Variants in PSMD12 observed in about 807,000 individuals in gnomAD.
The protein encoded by PSMD12 is proteasome 26S subunit, non-ATPase 12.
In PSMD12, 8 loss-of-function variants were observed where a neutral mutation model predicts 62.9. That is an observed-to-expected ratio of 0.13 (90% CI 0.07 to 0.23). The LOEUF (loss-of-function observed/expected upper bound fraction) is 0.23. PSMD12 is among the 10% of genes least tolerant of loss of function. PSMD12 has a pLI of 1.00. For synonymous variants in PSMD12, 173 were observed against 187.4 expected (o/e 0.92, Z 0.63); for missense variants, 424 against 550.2 (o/e 0.77, Z 2.29).
At chr17:67,344,532 C>A in intron 9 of PSMD12, 74 bp downstream of exon 9, 6 of 1,374,912 alleles carry the variant, frequency 4.4e-6, no homozygotes, top group South Asian at 3.3e-5. Flanking sequence ...CTCAAAATTG[C>A]CAAAATTTAA....
intron 8 of PSMD12, among the ~76,000 whole-genome samples, chr17:67,345,305 CT>C (rs2041954344): frequency 2.6e-5 from 4 of 152,194 alleles, no homozygotes; most frequent in African/African-American, 9.6e-5. Context: ...GTTATCCTCT[CT>C]AGTTTTATTC....
intron 7 of PSMD12, among the ~76,000 whole-genome samples, chr17:67,346,855 C>T (rs978632558): frequency 6.6e-6 from 1 of 152,032 alleles, no homozygotes; most frequent in Non-Finnish European, 1.5e-5. Flanking sequence ...AAAGTAATGC[C>T]GGGTCTTTAA....
At chr17:67,343,605 C>T (rs561443967) in intron 9 of PSMD12, among the ~76,000 whole-genome samples, 26 of 152,310 alleles carry the variant, frequency 1.7e-4, no homozygotes, top group African/African-American at 6.0e-4. Context: ...AAGCCTCCCT[C>T]TGCTCTCTAG....
intron 3 of PSMD12, among the ~76,000 whole-genome samples, chr17:67,352,367 T>TA (rs2042026797): frequency 6.6e-6 from 1 of 152,238 alleles, no homozygotes; most frequent in Non-Finnish European, 1.5e-5. Flanking sequence ...ATTAAACTTT[T>TA]AACTATCTGA....
intron 3 of PSMD12, among the ~76,000 whole-genome samples, chr17:67,356,067 T>C (rs1182932020): frequency 6.6e-6 from 1 of 152,052 alleles, no homozygotes; most frequent in Non-Finnish European, 1.5e-5. Flanking sequence ...ACTTCAGTTT[T>C]CTCAGGCAGG....
chr17:67,345,511 G>C (rs1487546017), intron 8 of PSMD12: 1 of 414,284 alleles, frequency 2.4e-6, no homozygotes, highest in Non-Finnish European at 4.5e-6. Flanking sequence ...GCATGGTAGC[G>C]GGTGCCTGTA....
At chr17:67,358,025 G>A (rs1019369707) in intron 1 of PSMD12, among the ~76,000 whole-genome samples, 30 of 151,892 alleles carry the variant, frequency 2.0e-4, no homozygotes, top group Admixed American at 1.9e-3. Context: ...GGGTTCTAGC[G>A]ATTCTCATGC....
At chr17:67,359,742 C>T (rs930710411) in intron 1 of PSMD12, among the ~76,000 whole-genome samples, 3 of 152,054 alleles carry the variant, frequency 2.0e-5, no homozygotes, top group Admixed American at 6.6e-5. Context: ...ATTTTAACAA[C>T]GTTTCCTGTT....
At chr17:67,360,489 A>G (rs541065371) in intron 1 of PSMD12, among the ~76,000 whole-genome samples, 1 of 152,282 alleles carries the variant, frequency 6.6e-6, no homozygotes, top group South Asian at 2.1e-4. Context: ...ACCCCAAACT[A>G]TATTCTATTT....
At chr17:67,345,199 A>G (rs1331230478) in intron 8 of PSMD12, among the ~76,000 whole-genome samples, 1 of 152,252 alleles carries the variant, frequency 6.6e-6, no homozygotes, top group Non-Finnish European at 1.5e-5. Flanking sequence ...GCAAATGTAG[A>G]CCTGATATGA....
intron 3 of PSMD12, among the ~76,000 whole-genome samples, chr17:67,351,369 G>T (rs1435125351): frequency 6.9e-6 from 1 of 144,976 alleles, no homozygotes; most frequent in Non-Finnish European, 1.5e-5. Flanking sequence ...TTCAGCCTGG[G>T]AGACAGATCG....
chr17:67,346,020 T>G (rs1281075963), intron 7 of PSMD12, among the ~76,000 whole-genome samples, 163 bp from the exon 8 acceptor site: 1 of 150,340 alleles, frequency 6.7e-6, no homozygotes, highest in East Asian at 2.0e-4. Flanking sequence ...GAGGCCAAGG[T>G]GGGCAGATCT....
chr17:67,347,876 T>C (rs901298797), intron 5 of PSMD12, among the ~76,000 whole-genome samples: 2 of 152,228 alleles, frequency 1.3e-5, no homozygotes, highest in African/African-American at 2.4e-5. Flanking sequence ...ATGTCAAATA[T>C]AGTATGTAAC....
intron 1 of PSMD12, among the ~76,000 whole-genome samples, chr17:67,366,112 A>C (rs147701723): frequency 0.011 from 1,614 of 152,324 alleles, 46 homozygotes; most frequent in Admixed American, 0.06. Flanking sequence ...CTGGGAAACT[A>C]CTAAGGTAAA....
At chr17:67,350,384 C>T (rs1024840969) in intron 3 of PSMD12, 48 bp from the exon 4 acceptor site, 2 of 1,355,182 alleles carry the variant, frequency 1.5e-6, no homozygotes, top group Non-Finnish European at 1.0e-6. Flanking sequence ...CCTCACAGAG[C>T]GAAAAAATGT....
intron 1 of PSMD12, among the ~76,000 whole-genome samples, chr17:67,359,833 G>GA (rs376019378): frequency 2.0e-5 from 3 of 151,852 alleles, no homozygotes; most frequent in Non-Finnish European, 4.4e-5. Context: ...TTCATCAGAG[G>GA]AAAAAAACAA....
chr17:67,359,040 A>C (rs1305312424), intron 1 of PSMD12, among the ~76,000 whole-genome samples: 2 of 152,210 alleles, frequency 1.3e-5, no homozygotes, highest in Non-Finnish European at 2.9e-5. Context: ...GATAAAACCA[A>C]AACCAACATA....
Position 67,339,098 on chromosome 17 carries a change from A to C in PSMD12, c.*1745T>G, listed in dbSNP as rs1414346928. On this transcript the variant is annotated 3_prime_UTR_variant, in exon 11 of 11. Coordinates refer to ENST00000356126, the MANE Select transcript of PSMD12 (RefSeq NM_002816.5). ...CTGTTAGTGTGAACTTCTGTTTCTG[A>C]ACTTTCCAGTTTTGTTTTTTTTTTT... The C allele has an allele frequency of 6.6e-6, 1 of 151,988 alleles. No homozygotes were observed. Among genetic ancestry groups the C allele is most frequent in the Non-Finnish European group, 1.5e-5 (1 of 68,074 alleles). 9.4% of individuals were successfully genotyped at this position (151,988 alleles called of 1,614,324 possible).
At chr17:67,362,013 T>G (rs953292447) in intron 1 of PSMD12, among the ~76,000 whole-genome samples, 1 of 150,628 alleles carries the variant, frequency 6.6e-6, no homozygotes, top group Non-Finnish European at 1.5e-5. Flanking sequence ...GTTATTTATA[T>G]CCTACTGCTC....
Sources: gnomAD v4.1 joint callset for allele counts (sites outside exome capture counted in the v4.1 genomes callset) on GRCh38, gnomAD v4.1.1 for gene constraint, MANE v1.5 for transcripts, NCBI Gene and HGNC (gene_info 2026-07-23, HGNC 2026-07-21) for gene names.